VCL: variants seen among roughly 807,000 people sequenced by gnomAD.
VCL encodes the protein epididymis luminal protein 114.
A neutral mutation model predicts 125.7 loss-of-function variants in VCL; 47 were observed. The ratio of observed to expected loss-of-function variants is 0.37; its 90% confidence interval spans 0.30 to 0.48. VCL has a LOEUF of 0.48. Ranked by LOEUF, VCL falls within the 20% of genes least tolerant of loss-of-function variation. The probability of loss-of-function intolerance (pLI) is 0.99; values close to 1 mark genes in which losing one functional copy is unlikely to be tolerated. For missense variants in VCL, 1,069 were observed against 1,455.5 expected (o/e 0.73, Z 4.32); for synonymous variants, 458 against 514.6 (o/e 0.89, Z 1.49).
intron 1 of VCL, among the ~76,000 whole-genome samples, chr10:74,008,160 AATATT>A (rs2136224792): frequency 6.6e-6 from 1 of 152,326 alleles, no homozygotes; most frequent in Non-Finnish European, 1.5e-5. Context: ...TATAACATAT[AATATT>A]AGGAATTATC....
intron 2 of VCL, among the ~76,000 whole-genome samples, chr10:74,043,413 G>A (rs1407598717): frequency 1.3e-5 from 2 of 151,508 alleles, no homozygotes; most frequent in Non-Finnish European, 2.9e-5. Context: ...ATGGTGCGAT[G>A]TCAGCTCACT....
intron 10 of VCL, among the ~76,000 whole-genome samples, chr10:74,090,795 T>C (rs1839870107): frequency 6.6e-6 from 1 of 151,708 alleles, no homozygotes. Flanking sequence ...TCTTTTTTTT[T>C]TTATTTTTTA....
intron 12 of VCL, among the ~76,000 whole-genome samples, chr10:74,096,977 A>T (rs1418750925): frequency 3.9e-5 from 6 of 152,232 alleles, no homozygotes; most frequent in African/African-American, 1.4e-4. Context: ...AACAGTCTCT[A>T]GGGACATGTG....
At chr10:74,002,197 C>T (rs139537664) in intron 1 of VCL, among the ~76,000 whole-genome samples, 6 of 152,314 alleles carry the variant, frequency 3.9e-5, no homozygotes, top group African/African-American at 1.2e-4. Context: ...ATGATCTTGG[C>T]TCACCGCAAC....
intron 1 of VCL, among the ~76,000 whole-genome samples, chr10:74,016,303 G>T (rs1031176465): frequency 6.6e-6 from 1 of 152,100 alleles, no homozygotes; most frequent in Admixed American, 6.5e-5. Flanking sequence ...AGAGAGAATA[G>T]CAAGGCACTT....
chr10:74,009,038 T>C (rs1254274638), intron 1 of VCL, among the ~76,000 whole-genome samples: 1 of 152,188 alleles, frequency 6.6e-6, no homozygotes, highest in Non-Finnish European at 1.5e-5. Flanking sequence ...GTAATAAGAC[T>C]GAAAGATAGA....
At chr10:74,051,204 G>T (rs1415436216) in intron 2 of VCL, among the ~76,000 whole-genome samples, 15 of 151,652 alleles carry the variant, frequency 9.9e-5, no homozygotes, top group Non-Finnish European at 1.9e-4. Context: ...CTCCCAAAAT[G>T]CTGGCCTATC....
At chr10:74,050,987 T>G (rs904713725) in intron 2 of VCL, among the ~76,000 whole-genome samples, 2 of 136,128 alleles carry the variant, frequency 1.5e-5, no homozygotes, top group African/African-American at 5.5e-5. Flanking sequence ...CTACCCAGGC[T>G]GGAGTGCAAT....
chr10:74,085,252 A>G (rs2131902674), intron 8 of VCL, among the ~76,000 whole-genome samples: 1 of 152,338 alleles, frequency 6.6e-6, no homozygotes, highest in South Asian at 2.1e-4. Context: ...CGTAATTGAA[A>G]CTGAAACACA....
intron 21 of VCL, among the ~76,000 whole-genome samples, chr10:74,116,869 T>TA (rs1840318425): frequency 6.6e-6 from 1 of 152,202 alleles, no homozygotes; most frequent in South Asian, 2.1e-4. Flanking sequence ...CAGTTACACT[T>TA]ATCAGAGCCT....
At chr10:74,056,634 T>G (rs1027928930) in intron 2 of VCL, among the ~76,000 whole-genome samples, 7 of 152,134 alleles carry the variant, frequency 4.6e-5, no homozygotes, top group African/African-American at 1.7e-4. Flanking sequence ...ACTTGCTACT[T>G]GAATTAGATT....
intron 18 of VCL, among the ~76,000 whole-genome samples, chr10:74,111,614 A>T (rs1025086429): frequency 6.6e-6 from 1 of 152,242 alleles, no homozygotes; most frequent in Non-Finnish European, 1.5e-5. Flanking sequence ...AGTATCAAGT[A>T]TATTAAAGAA....
chr10:74,063,560 T>A (rs1402594166), intron 2 of VCL: 1 of 152,198 alleles, frequency 6.6e-6, no homozygotes, highest in Non-Finnish European at 1.5e-5. Context: ...GTCAGTGAAA[T>A]AATGCCCTCA....
chr10:74,105,203 C>T lies in VCL; in HGVS notation c.2284C>T (p.Arg762Trp), dbSNP rs1334643090. ...GATSIARRAN[R>W]ILLVAKREVE... ...AACCAGTATTGCTCGTCGGGCCAACCGGATCCTGCTGGTGGCTAAGAGGGA... is the reference window on the plus strand; with the variant it reads ...AACCAGTATTGCTCGTCGGGCCAACTGGATCCTGCTGGTGGCTAAGAGGGA... Residue 762 changes from arginine (R) to tryptophan (W), a missense_variant, in exon 16 of 22, where the codon CGG (arginine) becomes TGG (tryptophan). By Grantham distance (101) the Arg-to-Trp change is moderately radical. This residue lies in a region of VCL where 760 missense variants were observed against 928.9 expected (regional missense o/e 0.82). Transcript: ENST00000211998. 15 of 1,614,032 alleles carry T rather than the reference C, an allele frequency of 9.3e-6. No homozygotes were observed. The highest frequency in any genetic ancestry group is 2.2e-5 in the East Asian group (1 of 44,890).
rs1358826630 is a variant in VCL, at chr10:73,998,345, C to T, written c.138C>T (p.Ala46=). ...CTGACCTCACCGCGCCCGTGGCCGC[C>T]GTGCAGGCGGCCGTCAGCAACCTCG... The part of the protein sequence containing the change: ...AIPDLTAPVA[A]VQAAVSNLVR... The change falls in exon 1 of 22, where the codon GCC becomes GCT. Residue 46 remains alanine (A), a synonymous_variant. Coordinates refer to ENST00000211998, the MANE Select transcript of VCL (RefSeq NM_014000.3). 1 of 1,550,544 alleles carries T rather than the reference C, an allele frequency of 6.4e-7. No individual in the cohort carries two copies. The highest frequency in any genetic ancestry group is 8.7e-7 in the Non-Finnish European group (1 of 1,146,552).
chr10:74,117,871 G>A (rs71535722), intron 21 of VCL, 152 bp from the exon 22 acceptor site: 51 of 1,117,216 alleles, frequency 4.6e-5, no homozygotes, highest in African/African-American at 6.2e-5. Context: ...GTTCTTTTTG[G>A]TGATCTGGGA....
intron 13 of VCL, among the ~76,000 whole-genome samples, chr10:74,099,032 C>T (rs564348200): frequency 1.3e-5 from 2 of 152,292 alleles, no homozygotes; most frequent in Admixed American, 6.5e-5. Context: ...GTTCATATTG[C>T]CAGAGCTCTA....
At chr10:74,068,289 G>A (rs1841606032) in intron 2 of VCL, among the ~76,000 whole-genome samples, 1 of 152,012 alleles carries the variant, frequency 6.6e-6, no homozygotes, top group South Asian at 2.1e-4. Flanking sequence ...AGTAGGAGGA[G>A]GCTCTTTATG....
chr10:74,072,701 C>A (rs767554937), intron 4 of VCL, 29 bp from the exon 5 acceptor site: 6 of 1,613,772 alleles, frequency 3.7e-6, no homozygotes, highest in Admixed American at 1.7e-5. Context: ...TCACTACTCA[C>A]CCTGCACAAT....
Sources: allele counts gnomAD v4.1 joint callset (sites outside exome capture counted in the v4.1 genomes callset), GRCh38; gene constraint gnomAD v4.1.1; regional missense constraint gnomAD v4.1.1; transcripts MANE v1.5; gene names NCBI Gene and HGNC (gene_info 2026-07-23, HGNC 2026-07-21).